NLGN4X: variants seen among roughly 807,000 people sequenced by gnomAD.
The protein encoded by NLGN4X is neuroligin 4 X-linked, also known as neuroligin-4, X-linked.
A neutral mutation model predicts 40.3 loss-of-function variants in NLGN4X; 3 were observed. The ratio of observed to expected loss-of-function variants is 0.07; its 90% confidence interval spans 0.03 to 0.19. The LOEUF is 0.19. Ranked by LOEUF, NLGN4X falls within the 10% of genes least tolerant of loss-of-function variation. NLGN4X has a pLI of 1.00. For missense variants in NLGN4X, 382 were observed against 708.3 expected (o/e 0.54, Z 5.23); for synonymous variants, 270 against 306.8 (o/e 0.88, Z 1.25).
intron 1 of NLGN4X, among the ~76,000 whole-genome samples, chrX:6,218,795 G>A (rs757269241): frequency 9.0e-6 from 1 of 111,362 alleles, no homozygotes; most frequent in Admixed American, 9.6e-5. Context: ...ACACTCTTGT[G>A]GTTAATTTGG....
chrX:5,951,607 C>A (rs919554283), intron 3 of NLGN4X, among the ~76,000 whole-genome samples: 1 of 111,086 alleles, frequency 9.0e-6, no homozygotes, highest in Non-Finnish European at 1.9e-5. Flanking sequence ...TTCTGGAGAC[C>A]GGAAGTCCAA....
At chrX:5,945,728 C>T (rs1213316919) in intron 3 of NLGN4X, among the ~76,000 whole-genome samples, 5 of 110,737 alleles carry the variant, frequency 4.5e-5, no homozygotes, top group African/African-American at 9.9e-5. Flanking sequence ...AGTATGAGAA[C>T]ACATGCACAC....
intron 1 of NLGN4X, among the ~76,000 whole-genome samples, chrX:6,179,698 T>C (rs1921220957): frequency 9.0e-6 from 1 of 111,695 alleles, no homozygotes; most frequent in African/African-American, 3.3e-5. Context: ...GTAGCGACCA[T>C]TTGCCACCTG....
At chrX:6,101,632 G>A (rs2147491956) in intron 2 of NLGN4X, among the ~76,000 whole-genome samples, 1 of 110,731 alleles carries the variant, frequency 9.0e-6, no homozygotes, top group African/African-American at 3.3e-5. Flanking sequence ...TTGAACTCAT[G>A]TGCATAGAGA....
rs111665436 is a variant in NLGN4X at position 5,897,213 on chromosome X, C to G, written c.1602-3547G>C. Among the ~76,000 whole-genome samples, 776 of 111,777 alleles carry G rather than the reference C, an allele frequency of 6.9e-3. 8 individuals are homozygous for G. Among genetic ancestry groups the G allele is most frequent in the African/African-American group, 0.024 (746 of 30,750 alleles). Reference sequence around the variant, plus strand: ...TATATTATAATGCATTGTTTGGTTACTTTAAAGCACTGTTCTTTGTCATAC... The same window carrying G: ...TATATTATAATGCATTGTTTGGTTAGTTTAAAGCACTGTTCTTTGTCATAC... On this transcript the variant is annotated intron_variant, in intron 5 of 5. Coordinates refer to ENST00000381095, the MANE Select transcript of NLGN4X (RefSeq NM_181332.3).
chrX:6,123,788 G>A (rs2039479855), intron 2 of NLGN4X, among the ~76,000 whole-genome samples: 1 of 104,179 alleles, frequency 9.6e-6, no homozygotes, highest in South Asian at 4.2e-4. Context: ...TAATAATAAG[G>A]TCAGTAAAAG....
Position 5,903,068 on chromosome X carries a change from T to C in NLGN4X, c.1601+9A>G. The C allele has an allele frequency of 2.5e-6, 3 of 1,211,675 alleles. No homozygotes were observed. Among genetic ancestry groups the C allele is most frequent in the Non-Finnish European group, 3.4e-6 (3 of 895,147 alleles). ...GGATAGTGATACCCCAACACGAAGA[T>C]GAACGTACCCAGTTTTGGCGAAGTT... On this transcript the variant is annotated intron_variant, in intron 5 of 5. Transcript: ENST00000381095.
chrX:6,104,269 T>C (rs184280655), intron 2 of NLGN4X, among the ~76,000 whole-genome samples: 57 of 112,240 alleles, frequency 5.1e-4, no homozygotes, highest in African/African-American at 1.8e-3. Flanking sequence ...AAATAGAAAC[T>C]TATGCTTGTC....
At chrX:5,989,093 T>TA (rs773830747) in intron 3 of NLGN4X, among the ~76,000 whole-genome samples, 52 of 76,635 alleles carry the variant, frequency 6.8e-4, no homozygotes, top group Admixed American at 4.4e-3. Flanking sequence ...ATAAAAAAAA[T>TA]AAAAAAAAAA....
chrX:6,084,984 CCA>C (rs1425574525), intron 2 of NLGN4X, among the ~76,000 whole-genome samples: 1 of 110,169 alleles, frequency 9.1e-6, no homozygotes, highest in Non-Finnish European at 1.9e-5. Context: ...TTTCTGGAAA[CCA>C]CACACTAATG....
chrX:6,104,491 T>A (rs1242730220), intron 2 of NLGN4X, among the ~76,000 whole-genome samples: 1 of 105,228 alleles, frequency 9.5e-6, no homozygotes, highest in Admixed American at 1.1e-4. Context: ...TTCTCCATCT[T>A]CTCTCTCTCT....
At chrX:6,170,080 C>T (rs1276864823) in intron 1 of NLGN4X, among the ~76,000 whole-genome samples, 2 of 108,954 alleles carry the variant, frequency 1.8e-5, no homozygotes, top group African/African-American at 6.7e-5. Context: ...AATCTCAGCT[C>T]ACTGCAGCCT....
intron 2 of NLGN4X, among the ~76,000 whole-genome samples, chrX:6,130,085 C>T (rs1179490336): frequency 9.1e-6 from 1 of 109,676 alleles, no homozygotes; most frequent in East Asian, 2.9e-4. Flanking sequence ...GTGGAGGTCT[C>T]GCTATGTTGC....
intron 3 of NLGN4X, among the ~76,000 whole-genome samples, chrX:5,951,192 T>TA (rs2034298085): frequency 8.9e-6 from 1 of 111,922 alleles, no homozygotes; most frequent in African/African-American, 3.3e-5. Flanking sequence ...AGAAATGTCA[T>TA]ATTTATTTAT....
chrX:6,036,623 C>A (rs1031544077), intron 2 of NLGN4X, among the ~76,000 whole-genome samples: 17 of 108,504 alleles, frequency 1.6e-4, no homozygotes, highest in African/African-American at 5.7e-4. Context: ...CACACACACA[C>A]ACACACACAC....
intron 1 of NLGN4X, among the ~76,000 whole-genome samples, chrX:6,156,292 G>C (rs547775800): frequency 9.0e-6 from 1 of 110,545 alleles, no homozygotes; most frequent in Non-Finnish European, 1.9e-5. Context: ...GGTGGATCAC[G>C]AGGTCAGGAG....
At chrX:5,991,539 T>C (rs2035685126) in intron 3 of NLGN4X, 2 of 513,266 alleles carry the variant, frequency 3.9e-6, no homozygotes, top group South Asian at 2.5e-5. Context: ...GAGATGGAAA[T>C]AGGACAGGTG....
chrX:5,978,272 TTTTCTTTC>T (rs780650966), intron 3 of NLGN4X, among the ~76,000 whole-genome samples: 2,516 of 20,182 alleles, frequency 0.12, 70 homozygotes, highest in Middle Eastern at 0.24. Context: ...GCGTCTCTTT[TTTTCTTTC>T]TTTCTTTCTT....
chrX:6,227,011 C>T (rs1157135577), intron 1 of NLGN4X: 1 of 113,522 alleles, frequency 8.8e-6, no homozygotes, highest in African/African-American at 3.2e-5. Context: ...CGAAGCCCCT[C>T]GCCCACCCCG....
Sources: gnomAD v4.1 joint callset for allele counts (sites outside exome capture counted in the v4.1 genomes callset) on GRCh38, gnomAD v4.1.1 for gene constraint, MANE v1.5 for transcripts, NCBI Gene and HGNC (gene_info 2026-07-23, HGNC 2026-07-21) for gene names.